The following GPX2 variants were observed in gnomAD, a reference collection of about 807,000 sequenced individuals.
The protein encoded by GPX2 is gastrointestinal glutathione peroxidase.
A neutral mutation model predicts 14.1 loss-of-function variants in GPX2; 21 were observed. That is an observed-to-expected ratio of 1.48 (90% CI 1.05 to 2.14). The LOEUF is 2.14. Among genes scored for constraint, GPX2 ranks in the 30% most tolerant of loss-of-function variants. The pLI, the probability that GPX2 is intolerant of heterozygous loss-of-function variation, is 0.00. For synonymous variants in GPX2, 94 were observed against 95.2 expected (o/e 0.99, Z 0.07); for missense variants, 241 against 249.8 (o/e 0.96, Z 0.24).
intron 1 of GPX2, among the ~76,000 whole-genome samples, 185 bp downstream of exon 1, chr14:64,942,320 A>C (rs541195044): frequency 3.9e-5 from 6 of 152,360 alleles, no homozygotes; most frequent in Admixed American, 1.3e-4. Flanking sequence ...ACACAGCCTC[A>C]GTGTTTAATC....
chr14:64,942,631 C>G lies in GPX2; in HGVS notation c.96G>C (p.Leu32=), dbSNP rs765433400. 1.2e-6 allele frequency: 2 copies of G among 1,614,104 alleles called. No homozygotes were observed. Among genetic ancestry groups the G allele is most frequent in the African/African-American group, 2.7e-5 (2 of 74,930 alleles). The change falls in exon 1 of 2, where the codon CTG becomes CTC. Residue 32 remains leucine, a synonymous_variant. Transcript: ENST00000389614. ...DFNTFRGRAV[L]IENVASLUGT... is the part of the protein sequence containing the mutation. ...CTCAGAGCGAAGCCACATTCTCAAT[C>G]AGCACGGCCCTGCCCCGGAACGTAT...
At chr14:64,941,269 T>C (rs1250874365) in intron 1 of GPX2, 5 of 860,464 alleles carry the variant, frequency 5.8e-6, no homozygotes, top group Non-Finnish European at 7.5e-6. Context: ...GGTTTCACCA[T>C]GTTGCTCAGG....
Position 64,940,083 on chromosome 14 carries a change from ATT to A in GPX2, c.223-247_223-246del, listed in dbSNP as rs199610896. On this transcript the variant is annotated intron_variant, in intron 1 of 1. Coordinates refer to ENST00000389614, the MANE Select transcript of GPX2 (RefSeq NM_002083.4). The surrounding 1 kb of genome is among the most constrained non-coding windows in gnomAD (Gnocchi z 4.5). ...AGACACAGGCCACCATGCCCGGCTAATTTTTTTTTTTTTTTGTAGAGATGGGG... is the reference window on the plus strand; with the variant it reads ...AGACACAGGCCACCATGCCCGGCTAATTTTTTTTTTTTTGTAGAGATGGGG... 4.9e-3 allele frequency: 5,725 copies of A among 1,180,374 alleles called. No homozygotes were observed. The highest frequency in any genetic ancestry group is 5.2e-3 in the Non-Finnish European group (4,598 of 883,956). The allele number at this position is 1,180,374 out of a possible 1,614,324, so 73.1% of individuals were successfully genotyped here.
Position 64,939,720 on chromosome 14 carries a change from G to A in GPX2, c.341C>T (p.Pro114Leu). 1 of 1,614,130 alleles carries A rather than the reference G, an allele frequency of 6.2e-7. No homozygotes were observed. Among genetic ancestry groups the A allele is most frequent in the African/African-American group, 1.3e-5 (1 of 75,016 alleles). ...KCEVNGQNEH[P>L]VFAYLKDKLP... is the part of the protein sequence containing the mutation. Reference sequence around the variant, plus strand: ...CTTGTCCTTCAGGTAGGCGAAGACAGGATGCTCGTTCTGCCCATTCACCTC... The same window carrying A: ...CTTGTCCTTCAGGTAGGCGAAGACAAGATGCTCGTTCTGCCCATTCACCTC... The change falls in exon 2 of 2, where the codon CCT becomes CTT. Residue 114 changes from proline (P) to leucine (L), a missense_variant. Coordinates refer to ENST00000389614, the MANE Select transcript of GPX2 (RefSeq NM_002083.4). This position sits in a 1 kb window ranked among gnomAD's most constrained non-coding sequence, Gnocchi z 5.7.
Position 64,941,442 on chromosome 14 carries a change from C to T in GPX2, c.222+1063G>A. 26 of 1,288,428 alleles carry T rather than the reference C, an allele frequency of 2.0e-5. No individual in the cohort carries two copies. In the South Asian group the frequency reaches 3.2e-4, roughly 16 times the overall value. The allele number at this position is 1,288,428 out of a possible 1,614,324, so 79.8% of individuals were successfully genotyped here. On this transcript the variant is annotated intron_variant, in intron 1 of 1. Coordinates refer to ENST00000389614, the MANE Select transcript of GPX2 (RefSeq NM_002083.4). ...AGACTCCCTCCAGCAACTTGCTAGG[C>T]TGAAGAGATGGTGTGAGGCTGGAGG...
intron 1 of GPX2, chr14:64,941,312 C>G: frequency 9.0e-7 from 1 of 1,116,612 alleles, no homozygotes; most frequent in South Asian, 1.6e-5. Flanking sequence ...AAGCAATCTG[C>G]CTACCTTAGC....
chr14:64,941,763 G>A (rs868242634), intron 1 of GPX2, among the ~76,000 whole-genome samples: 2 of 152,176 alleles, frequency 1.3e-5, no homozygotes, highest in South Asian at 2.1e-4. Context: ...AAGAGAACTC[G>A]AGGTGTGTGG....
Position 64,939,689 on chromosome 14 carries a change from G to A in GPX2, c.372C>T (p.Pro124=), listed in dbSNP as rs1015743722. Residue 124 remains proline, a synonymous_variant, in exon 2 of 2, where the codon CCC becomes CCT. Transcript: ENST00000389614. The surrounding 1 kb of genome is among the most constrained non-coding windows in gnomAD (Gnocchi z 5.7). ...GGGAAAATGGGTCATCATAAGGGTA[G>A]GGGAGCTTGTCCTTCAGGTAGGCGA... ...PVFAYLKDKL[P]YPYDDPFSLM... 2 of 1,614,152 alleles carry A rather than the reference G, an allele frequency of 1.2e-6. No homozygotes were observed. The highest frequency in any genetic ancestry group is 8.5e-7 in the Non-Finnish European group (1 of 1,180,020).
intron 1 of GPX2, chr14:64,941,401 G>A (rs538730567): frequency 7.8e-7 from 1 of 1,285,020 alleles, no homozygotes; most frequent in East Asian, 5.6e-5. Flanking sequence ...TGGCTGGCTG[G>A]CTCCTGGTAG....
chr14:64,940,002 G>T lies in GPX2; in HGVS notation c.223-164C>A. ...ACGAGGTGTTGCTCACTGCAGCCTT[G>T]AACTTCTGGGCTCAAGCATTCCTCC... On this transcript the variant is annotated intron_variant, in intron 1 of 1. Transcript: ENST00000389614. The surrounding 1 kb of genome is among the most constrained non-coding windows in gnomAD (Gnocchi z 4.5). The T allele has an allele frequency of 2.0e-6, 3 of 1,472,240 alleles. No individual in the cohort carries two copies. The highest frequency in any genetic ancestry group is 1.8e-6 in the Non-Finnish European group (2 of 1,121,386). 91.2% of individuals were successfully genotyped at this position (1,472,240 alleles called of 1,614,324 possible). A position where few individuals can be genotyped will look rare whatever the true frequency, so the allele number is the denominator to read the frequency against.
chr14:64,939,362 C>T lies in GPX2; in HGVS notation c.*126G>A, dbSNP rs951347456. On this transcript the variant is annotated 3_prime_UTR_variant, in exon 2 of 2. Coordinates refer to ENST00000389614, the MANE Select transcript of GPX2 (RefSeq NM_002083.4). The surrounding 1 kb of genome is among the most constrained non-coding windows in gnomAD (Gnocchi z 5.7). ...ACAGGCAGAGGGGAAAGGCAAGGCT[C>T]TGCAGTGAAGGGGACTGATATCAAG... The T allele has an allele frequency of 2.7e-6, 2 of 752,672 alleles. No individual in the cohort carries two copies. The highest frequency in any genetic ancestry group is 2.3e-5 in the Admixed American group (1 of 43,440). 46.6% of individuals were successfully genotyped at this position (752,672 alleles called of 1,614,324 possible).
At chr14:64,942,202 T>C (rs921335988) in intron 1 of GPX2, among the ~76,000 whole-genome samples, 5 of 152,218 alleles carry the variant, frequency 3.3e-5, no homozygotes, top group Admixed American at 6.5e-5. Context: ...AAATATTTAA[T>C]GAGTGCTTTC....
chr14:64,939,218 C>G lies in GPX2; in HGVS notation c.*270G>C. 1 of 443,122 alleles carries G rather than the reference C, an allele frequency of 2.3e-6. No homozygotes were observed. The highest frequency in any genetic ancestry group is 4.1e-6 in the Non-Finnish European group (1 of 242,500). The allele number at this position is 443,122 out of a possible 1,614,324, so 27.4% of individuals were successfully genotyped here. ...GAGTGGCTCCAGGCCCTTCACGCCT[C>G]TCAGACACCACCCATGAGGGTTTAG... On this transcript the variant is annotated 3_prime_UTR_variant, in exon 2 of 2. Coordinates refer to ENST00000389614, the MANE Select transcript of GPX2 (RefSeq NM_002083.4). The surrounding 1 kb of genome is among the most constrained non-coding windows in gnomAD (Gnocchi z 5.7).
rs561634134 is a variant in GPX2, at chr14:64,941,878, T to C, written c.222+627A>G. Reference sequence around the variant, plus strand: ...CTTTCTCTTTCCTGCTTATTTTCTTTCCACTTGGCTAATTTAAACCAACAA... The same window carrying C: ...CTTTCTCTTTCCTGCTTATTTTCTTCCCACTTGGCTAATTTAAACCAACAA... On this transcript the variant is annotated intron_variant, in intron 1 of 1. Transcript: ENST00000389614. Among the ~76,000 whole-genome samples, 6 of 152,336 alleles carry C rather than the reference T, an allele frequency of 3.9e-5. No homozygotes were observed. The South Asian group carries it at 1.2e-3, about 32-fold the overall frequency.
chr14:64,939,347 G>A lies in GPX2; in HGVS notation c.*141C>T. ...GGAGAGGAAAAGGAAACAGGCAGAGGGGAAAGGCAAGGCTCTGCAGTGAAG... is the reference window on the plus strand; with the variant it reads ...GGAGAGGAAAAGGAAACAGGCAGAGAGGAAAGGCAAGGCTCTGCAGTGAAG... On this transcript the variant is annotated 3_prime_UTR_variant, in exon 2 of 2. Transcript: ENST00000389614. This position sits in a 1 kb window ranked among gnomAD's most constrained non-coding sequence, Gnocchi z 5.7. 1.4e-6 allele frequency: 1 copy of A among 714,410 alleles called. No homozygotes were observed. Among genetic ancestry groups the A allele is most frequent in the Non-Finnish European group, 2.4e-6 (1 of 410,402 alleles). The allele number at this position is 714,410 out of a possible 1,614,324, so 44.3% of individuals were successfully genotyped here.
At position 64,939,959 on chromosome 14, in the gene GPX2, G is replaced by A. The variant is rs1885537309; in HGVS notation, c.223-121C>T. 6.8e-7 allele frequency: 1 copy of A among 1,468,284 alleles called. No homozygotes were observed. The highest frequency in any genetic ancestry group is 2.5e-5 in the East Asian group (1 of 40,494). 91.0% of individuals were successfully genotyped at this position (1,468,284 alleles called of 1,614,324 possible). A position where few individuals can be genotyped will look rare whatever the true frequency, so the allele number is the denominator to read the frequency against. On this transcript the variant is annotated intron_variant, in intron 1 of 1. Transcript: ENST00000389614. The surrounding 1 kb of genome is among the most constrained non-coding windows in gnomAD (Gnocchi z 5.7). ...AGGGTCATTCTTTTTCACTGTGAAA[G>A]AGAGAGAGACAAGACAGACGAGGTG...
chr14:64,940,185 T>TA lies in GPX2; in HGVS notation c.223-348dup. On this transcript the variant is annotated intron_variant, in intron 1 of 1. Transcript: ENST00000389614. The surrounding 1 kb of genome is among the most constrained non-coding windows in gnomAD (Gnocchi z 4.5). ...TGAGCTGTTGCTTTTGTCTCCAGTC[T>TA]ACCCTGAGCAGTTCTTAAGGTGTTT... is the stretch of plus-strand genomic sequence containing the variant. The TA allele has an allele frequency of 7.6e-7, 1 of 1,320,884 alleles. No individual in the cohort carries two copies. Among genetic ancestry groups the TA allele is most frequent in the South Asian group, 1.2e-5 (1 of 81,278 alleles). 81.8% of individuals were successfully genotyped at this position (1,320,884 alleles called of 1,614,324 possible). A position where few individuals can be genotyped will look rare whatever the true frequency, so the allele number is the denominator to read the frequency against.
rs1187893987 is a variant in GPX2 at position 64,940,933 on chromosome 14, A to G, written c.223-1095T>C. Among the ~76,000 whole-genome samples the G allele has an allele frequency of 6.6e-6, 1 of 152,092 alleles. No individual in the cohort carries two copies. Among genetic ancestry groups the G allele is most frequent in the African/African-American group, 2.4e-5 (1 of 41,398 alleles). On this transcript the variant is annotated intron_variant, in intron 1 of 1. Coordinates refer to ENST00000389614, the MANE Select transcript of GPX2 (RefSeq NM_002083.4). This position sits in a 1 kb window ranked among gnomAD's most constrained non-coding sequence, Gnocchi z 4.5. ...CTTCTTTTCCACCTCTACCTTTCCA[A>G]TTTAACAGACAGATACCTTCCTCTG... is the stretch of plus-strand genomic sequence containing the variant.
chr14:64,942,369 C>A, intron 1 of GPX2, 136 bp downstream of exon 1: 1 of 671,292 alleles, frequency 1.5e-6, no homozygotes, highest in South Asian at 1.8e-5. Flanking sequence ...GTCACATGCA[C>A]CTAAAGACCT....
Sources: allele counts gnomAD v4.1 joint callset (sites outside exome capture counted in the v4.1 genomes callset), GRCh38; gene constraint gnomAD v4.1.1; non-coding constraint Gnocchi (gnomAD v3.1); transcripts MANE v1.5; gene names NCBI Gene and HGNC (gene_info 2026-07-23, HGNC 2026-07-21).